CNBD1: variants seen among roughly 807,000 people sequenced by gnomAD.
CNBD1 encodes the protein cyclic nucleotide binding domain containing 1.
CNBD1 carries 71 observed loss-of-function variants against 54.4 expected under a neutral mutation model. That is an observed-to-expected ratio of 1.30 (90% CI 1.08 to 1.59). The LOEUF (loss-of-function observed/expected upper bound fraction) is 1.59. Among genes scored for constraint, CNBD1 ranks in the 40% most tolerant of loss-of-function variants. The pLI is 0.00. For synonymous variants in CNBD1, 182 were observed against 170.7 expected, an observed-to-expected ratio of 1.07 and a Z score of -0.51; for missense variants, 659 against 518.0, an observed-to-expected ratio of 1.27 and a Z score of -2.64.
intron 4 of CNBD1, among the ~76,000 whole-genome samples, chr8:87,013,224 A>T (rs1809262053): frequency 6.6e-6 from 1 of 152,176 alleles, no homozygotes; most frequent in South Asian, 2.1e-4. Context: ...TCCTTGATTT[A>T]TTCTAAGCTG....
chr8:86,933,616 T>G (rs1809494028), intron 3 of CNBD1, among the ~76,000 whole-genome samples: 1 of 152,152 alleles, frequency 6.6e-6, no homozygotes, highest in Non-Finnish European at 1.5e-5. Context: ...TTCAGGATAA[T>G]GGTTACTTAT....
chr8:87,143,926 G>C (rs143387703), intron 4 of CNBD1, among the ~76,000 whole-genome samples: 1 of 152,142 alleles, frequency 6.6e-6, no homozygotes, highest in African/African-American at 2.4e-5. Context: ...ACTGTTAAAG[G>C]GTCCCTATGA....
intron 5 of CNBD1, among the ~76,000 whole-genome samples, chr8:87,217,753 T>A (rs1272708344): frequency 1.3e-5 from 2 of 152,036 alleles, no homozygotes; most frequent in Non-Finnish European, 2.9e-5. Flanking sequence ...TTTTGTAGAT[T>A]ATTCTCAAGA....
chr8:87,175,046 A>G (rs1813168764), intron 4 of CNBD1, among the ~76,000 whole-genome samples: 1 of 151,988 alleles, frequency 6.6e-6, no homozygotes, highest in Non-Finnish European at 1.5e-5. Flanking sequence ...ACTAGGTCTC[A>G]CTCAAGGCCC....
rs1808699047 is a variant in CNBD1 at position 86,887,531 on chromosome 8, T to C, written c.89-11T>C. Reference sequence around the variant, plus strand: ...GAAAATTACTCAAATTTTTAATTGATTTTTTTTCAGACTTGAAAAAGTCTA... The same window carrying C: ...GAAAATTACTCAAATTTTTAATTGACTTTTTTTCAGACTTGAAAAAGTCTA... On this transcript the variant is annotated splice_polypyrimidine_tract_variant and intron_variant, in intron 1 of 10. Transcript: ENST00000518476. 1 of 1,520,796 alleles carries C rather than the reference T, an allele frequency of 6.6e-7. No individual in the cohort carries two copies. Among genetic ancestry groups the C allele is most frequent in the Non-Finnish European group, 8.9e-7 (1 of 1,122,850 alleles). The allele number at this position is 1,520,796 out of a possible 1,614,324, so 94.2% of individuals were successfully genotyped here.
At chr8:86,903,789 C>T (rs186557266) in intron 2 of CNBD1, among the ~76,000 whole-genome samples, 13 of 151,346 alleles carry the variant, frequency 8.6e-5, no homozygotes, top group South Asian at 2.1e-4. Context: ...TACAATGATT[C>T]GAATATAACA....
In CNBD1 at chr8:87,331,684, G is replaced by A. The variant is rs139281340; in HGVS notation, c.1043-20001G>A. Among the ~76,000 whole-genome samples, 90 of 152,266 alleles carry A rather than the reference G, an allele frequency of 5.9e-4. 1 individual carries two copies. The East Asian group carries it at 0.016, about 27-fold the overall frequency. Reference sequence around the variant, plus strand: ...ATTAATTTACATTCCCACCAGCAATGTAAAAGCATTTGTCTTTCTCCACAG... The same window carrying A: ...ATTAATTTACATTCCCACCAGCAATATAAAAGCATTTGTCTTTCTCCACAG... On this transcript the variant is annotated intron_variant, in intron 8 of 10. Coordinates refer to ENST00000518476, the MANE Select transcript of CNBD1 (RefSeq NM_173538.3).
At chr8:86,878,577 G>T (rs1203627844) in intron 1 of CNBD1, among the ~76,000 whole-genome samples, 1 of 144,036 alleles carries the variant, frequency 6.9e-6, no homozygotes, top group Non-Finnish European at 1.5e-5. Context: ...ACTTTATTCT[G>T]AAAAAAAAAA....
At chr8:87,416,660 C>T (rs542979854) in intron 2 of CNBD1, among the ~76,000 whole-genome samples, 4 of 152,086 alleles carry the variant, frequency 2.6e-5, no homozygotes, top group Non-Finnish European at 5.9e-5. Context: ...TGACTCAGTC[C>T]ACCCAGTACA....
chr8:87,304,708 G>A (rs2130885567), intron 8 of CNBD1, among the ~76,000 whole-genome samples: 1 of 152,068 alleles, frequency 6.6e-6, no homozygotes, highest in Middle Eastern at 3.4e-3. Flanking sequence ...ACAAAATCCA[G>A]CATTACTTTA....
At chr8:87,034,023 A>G (rs1809854065) in intron 4 of CNBD1, among the ~76,000 whole-genome samples, 1 of 152,204 alleles carries the variant, frequency 6.6e-6, no homozygotes, top group South Asian at 2.1e-4. Context: ...AATATGATAT[A>G]AAAAGGTATT....
At chr8:87,103,155 T>A (rs1220727085) in intron 4 of CNBD1, among the ~76,000 whole-genome samples, 1 of 152,106 alleles carries the variant, frequency 6.6e-6, no homozygotes, top group African/African-American at 2.4e-5. Context: ...TTGCCAAATA[T>A]CAGCATACAG....
chr8:87,266,436 A>AATTT (rs71503464), intron 6 of CNBD1, among the ~76,000 whole-genome samples: 35 of 76,248 alleles, frequency 4.6e-4, no homozygotes, highest in Non-Finnish European at 8.5e-4. Context: ...AAAAAAAAAA[A>AATTT]TCTTTTTTTT....
At chr8:87,052,058 T>A (rs1214583806) in intron 4 of CNBD1, among the ~76,000 whole-genome samples, 4 of 152,214 alleles carry the variant, frequency 2.6e-5, no homozygotes, top group Non-Finnish European at 5.9e-5. Flanking sequence ...TTTTGAAATG[T>A]CCTGGCTTAC....
intron 8 of CNBD1, among the ~76,000 whole-genome samples, chr8:87,348,537 A>G (rs1447387688): frequency 6.6e-6 from 1 of 152,196 alleles, no homozygotes. Flanking sequence ...TTAGTAGTCT[A>G]TCTTTACAAG....
intron 6 of CNBD1, among the ~76,000 whole-genome samples, chr8:87,277,884 A>T (rs973165401): frequency 5.3e-5 from 8 of 151,720 alleles, no homozygotes; most frequent in African/African-American, 1.9e-4. Context: ...AACAATAAAA[A>T]ATCAGTAGAA....
In CNBD1 at chr8:86,913,689, C is replaced by T. The variant is rs187132979; in HGVS notation, c.272+8495C>T. ...AAGATCACAAGGCAGAAGGTCAGAG[C>T]GAAACTAGCATCACTAATGAAGTAG... On this transcript the variant is annotated intron_variant, in intron 3 of 10. Transcript: ENST00000518476. 1.3e-3 allele frequency among the ~76,000 whole-genome samples: 192 copies of T among 152,232 alleles called. 1 individual carries two copies. The highest frequency in any genetic ancestry group is 2.1e-4 in the South Asian group (1 of 4,828).
At chr8:86,902,627 A>T (rs1378632185) in intron 2 of CNBD1, among the ~76,000 whole-genome samples, 1 of 151,822 alleles carries the variant, frequency 6.6e-6, no homozygotes, top group African/African-American at 2.4e-5. Flanking sequence ...TTTCCCTTTC[A>T]TCTGCTTGAG....
intron 10 of CNBD1, among the ~76,000 whole-genome samples, chr8:87,368,476 A>T (rs937048554): frequency 2.0e-5 from 3 of 151,942 alleles, no homozygotes; most frequent in Non-Finnish European, 4.4e-5. Context: ...TCTGTACAAA[A>T]AATAGTAAAA....
Sources: allele counts gnomAD v4.1 joint callset (sites outside exome capture counted in the v4.1 genomes callset), GRCh38; gene constraint gnomAD v4.1.1; transcripts MANE v1.5; gene names NCBI Gene and HGNC (gene_info 2026-07-23, HGNC 2026-07-21).